Variants in TMEM52B observed in about 807,000 individuals in gnomAD.
The protein encoded by TMEM52B is transmembrane protein 52B, also known as chromosome 12 open reading frame 59.
TMEM52B carries 11 observed loss-of-function variants against 16.1 expected under a neutral mutation model. The observed-to-expected ratio is 0.68, with a 90% CI of 0.43 to 1.13. The LOEUF (loss-of-function observed/expected upper bound fraction) is 1.13. TMEM52B is among the 50% of genes most tolerant of loss of function. The pLI is 0.00. For missense variants in TMEM52B, 243 were observed against 230.4 expected (o/e 1.05, Z -0.35); for synonymous variants, 101 against 93.8 (o/e 1.08, Z -0.45).
chr12:10,176,373 C>T (rs1339744294), upstream of TMEM52B, among the ~76,000 whole-genome samples: 1 of 151,590 alleles, frequency 6.6e-6, no homozygotes, highest in Non-Finnish European at 1.5e-5. Context: ...ATTAACAGAA[C>T]CTATTTTGTT....
In TMEM52B at chr12:10,190,461, A is replaced by G. The variant is rs560592553; in HGVS notation, c.*321A>G. 7.4e-6 allele frequency: 2 copies of G among 271,408 alleles called. No individual in the cohort carries two copies. Among genetic ancestry groups the G allele is most frequent in the South Asian group, 4.6e-5 (1 of 21,762 alleles). 16.8% of individuals were successfully genotyped at this position (271,408 alleles called of 1,614,324 possible). ...GTGCATATAGAATTCCTGTACCCAC[A>G]TGATACTGCAAGTTGTGTCTCTCTC... On this transcript the variant is annotated 3_prime_UTR_variant, in exon 5 of 5. Coordinates refer to ENST00000543484, the MANE Select transcript of TMEM52B (RefSeq NM_001384896.1).
rs1221414426 is a variant in TMEM52B, at chr12:10,190,394, C to T, written c.*254C>T. The T allele has an allele frequency of 6.0e-5, 27 of 450,404 alleles. No individual in the cohort carries two copies. The East Asian group carries it at 1.0e-3, about 17-fold the overall frequency. 27.9% of individuals were successfully genotyped at this position (450,404 alleles called of 1,614,324 possible). A position where few individuals can be genotyped will look rare whatever the true frequency, so the allele number is the denominator to read the frequency against. ...TCTAGCCACACTGATTACTACTAAACCAGGAAAGCATCAAGGTGTCTTGAA... is the reference window on the plus strand; with the variant it reads ...TCTAGCCACACTGATTACTACTAAATCAGGAAAGCATCAAGGTGTCTTGAA... On this transcript the variant is annotated 3_prime_UTR_variant, in exon 5 of 5. Coordinates refer to ENST00000543484, the MANE Select transcript of TMEM52B (RefSeq NM_001384896.1).
chr12:10,171,836 T>C (rs1384918914), intron 1 of TMEM52B, among the ~76,000 whole-genome samples: 1 of 152,204 alleles, frequency 6.6e-6, no homozygotes, highest in African/African-American at 2.4e-5. Flanking sequence ...TAAGTTGTCA[T>C]CATCATCATC....
intron 2 of TMEM52B, among the ~76,000 whole-genome samples, chr12:10,183,887 A>G (rs1948851323): frequency 6.6e-6 from 1 of 152,172 alleles, no homozygotes; most frequent in Non-Finnish European, 1.5e-5. Context: ...ATCTCCTAGC[A>G]TACAACTTCT....
rs1358467429 is a variant in TMEM52B, at chr12:10,179,210, G to A, written c.-365G>A. The A allele has an allele frequency of 4.7e-6, 1 of 211,674 alleles. No individual in the cohort carries two copies. Among genetic ancestry groups the A allele is most frequent in the East Asian group, 9.8e-5 (1 of 10,246 alleles). The allele number at this position is 211,674 out of a possible 1,614,324, so 13.1% of individuals were successfully genotyped here. On this transcript the variant is annotated 5_prime_UTR_variant, in exon 1 of 5. Coordinates refer to ENST00000543484, the MANE Select transcript of TMEM52B (RefSeq NM_001384896.1). ...GTCTAGAAAAATACTTCATTCAGAG[G>A]ACACATATGTCCTCTTTGAATGTCT...
At chr12:10,178,833 C>T (rs772862878), upstream of TMEM52B, among the ~76,000 whole-genome samples, 17 of 152,122 alleles carry the variant, frequency 1.1e-4, no homozygotes, top group Admixed American at 9.8e-4. Flanking sequence ...TCTAATCTTC[C>T]GACTTGATTT....
intron 2 of TMEM52B, among the ~76,000 whole-genome samples, chr12:10,184,349 A>G (rs1421277553): frequency 6.6e-6 from 1 of 152,236 alleles, no homozygotes; most frequent in East Asian, 1.9e-4. Context: ...CGCAACCTCA[A>G]GAGGGAGTCA....
Position 10,179,588 on chromosome 12 carries a change from T to G in TMEM52B, c.14T>G (p.Val5Gly), listed in dbSNP as rs1948798471. The G allele has an allele frequency of 3.1e-6, 5 of 1,614,026 alleles. No homozygotes were observed. Among genetic ancestry groups the G allele is most frequent in the Middle Eastern group, 3.3e-4 (2 of 6,062 alleles). ...GAATTCAGCCCGATGGGAGTCCGAG[T>G]TCATGTCGTGGCGGCCTCAGCCCTG... Reference protein sequence around the residue: MGVRVHVVAASALLY... With the variant: MGVRGHVVAASALLY... Residue 5 changes from valine (V) to glycine (G), a missense_variant, in exon 1 of 5, where the codon GTT (valine) becomes GGT (glycine). Coordinates refer to ENST00000543484, the MANE Select transcript of TMEM52B (RefSeq NM_001384896.1).
At chr12:10,181,983 C>G in intron 1 of TMEM52B, 1 of 728,482 alleles carries the variant, frequency 1.4e-6, no homozygotes, top group Non-Finnish European at 1.6e-6. Context: ...GCCAAGATCA[C>G]GCCACTGCAC....
chr12:10,184,990 G>T (rs1198657639), intron 2 of TMEM52B, among the ~76,000 whole-genome samples: 1 of 152,124 alleles, frequency 6.6e-6, no homozygotes, highest in African/African-American at 2.4e-5. Flanking sequence ...GGGATTACAG[G>T]CATGAGGCAC....
At chr12:10,179,685 C>A in intron 1 of TMEM52B, 57 bp downstream of exon 1, 1 of 1,602,040 alleles carries the variant, frequency 6.2e-7, no homozygotes. Flanking sequence ...AATCAACTCT[C>A]AGAAGAGTCT....
chr12:10,176,099 C>T (rs7315498), upstream of TMEM52B, among the ~76,000 whole-genome samples: 80,735 of 152,040 alleles, frequency 0.53, 22,300 homozygotes, highest in Middle Eastern at 0.7. Context: ...TGTAATGAGA[C>T]CATTTCCCTC....
chr12:10,186,699 TCA>T, intron 4 of TMEM52B, 110 bp downstream of exon 4: 8 of 1,157,096 alleles, frequency 6.9e-6, no homozygotes, highest in Non-Finnish European at 9.1e-6. Flanking sequence ...ATTCCAGGAC[TCA>T]CAATAATTTC....
rs190765423 is a variant in TMEM52B, at chr12:10,182,124, G to A, written c.55-426G>A. 9.2e-4 allele frequency: 905 copies of A among 983,508 alleles called. 2 individuals are homozygous for A. Among genetic ancestry groups the A allele is most frequent in the Non-Finnish European group, 9.7e-4 (804 of 829,668 alleles). 60.9% of individuals were successfully genotyped at this position (983,508 alleles called of 1,614,324 possible). ...GACTCTCTGTCCCACTGGCCCCCTC[G>A]CTTTTCCCCTTCTTCCTTTGTATAG... On this transcript the variant is annotated intron_variant, in intron 1 of 4. Transcript: ENST00000543484.
intron 3 of TMEM52B, 82 bp downstream of exon 3, chr12:10,185,450 T>A (rs1948868889): frequency 9.8e-6 from 10 of 1,017,844 alleles, no homozygotes; most frequent in Non-Finnish European, 1.4e-5. Flanking sequence ...TTACTTAGCA[T>A]CTCATGGAGT....
In TMEM52B at chr12:10,190,896, T is replaced by C. The variant is rs1361029492; in HGVS notation, c.*756T>C. ...AAAGGAATAGTGTTGCTTTACTTCT[T>C]TCCTGTTTTGCCTGGACCACTTAAA... On this transcript the variant is annotated 3_prime_UTR_variant, in exon 5 of 5. Coordinates refer to ENST00000543484, the MANE Select transcript of TMEM52B (RefSeq NM_001384896.1). 6.6e-6 allele frequency: 1 copy of C among 152,340 alleles called. No individual in the cohort carries two copies. Among genetic ancestry groups the C allele is most frequent in the Non-Finnish European group, 1.5e-5 (1 of 68,146 alleles). 9.4% of individuals were successfully genotyped at this position (152,340 alleles called of 1,614,324 possible). A position where few individuals can be genotyped will look rare whatever the true frequency, so the allele number is the denominator to read the frequency against.
At chr12:10,179,739 A>G in intron 1 of TMEM52B, 111 bp downstream of exon 1, 1 of 1,208,598 alleles carries the variant, frequency 8.3e-7, no homozygotes, top group Non-Finnish European at 1.2e-6. Flanking sequence ...TACAGAACCC[A>G]GGGGGTCATA....
chr12:10,183,660 A>ATT (rs56737647), intron 2 of TMEM52B, among the ~76,000 whole-genome samples: 17,290 of 150,552 alleles, frequency 0.11, 1,058 homozygotes, highest in Non-Finnish European at 0.14. Flanking sequence ...TACAATCCCT[A>ATT]TTTTTTTTTC....
intron 4 of TMEM52B, among the ~76,000 whole-genome samples, chr12:10,189,051 A>AAAAAAAC (rs1948922524): frequency 8.2e-6 from 1 of 122,554 alleles, no homozygotes; most frequent in Non-Finnish European, 1.7e-5. Context: ...AAAAAAAAAA[A>AAAAAAAC]TTAGCCAGGC....
Sources: gnomAD v4.1 joint callset for allele counts (sites outside exome capture counted in the v4.1 genomes callset) on GRCh38, gnomAD v4.1.1 for gene constraint, MANE v1.5 for transcripts, NCBI Gene and HGNC (gene_info 2026-07-23, HGNC 2026-07-21) for gene names.